Variants in RNFT2 observed in about 807,000 individuals in gnomAD.
RNFT2 encodes the protein ring finger protein, transmembrane 2, also known as E3 ubiquitin-protein ligase RNFT2.
In RNFT2, 36 loss-of-function variants were observed where a neutral mutation model predicts 53.0. That is an observed-to-expected ratio of 0.68 (90% CI 0.52 to 0.90). The LOEUF is 0.90. Ranked by LOEUF, RNFT2 falls within the 40% of genes least tolerant of loss-of-function variation. The pLI is 0.00. For missense variants in RNFT2, 514 were observed against 585.6 expected, an observed-to-expected ratio of 0.88 and a Z score of 1.26; for synonymous variants, 260 against 253.2, an observed-to-expected ratio of 1.03 and a Z score of -0.26.
chr12:116,772,551 C>T (rs1218579606), intron 6 of RNFT2, among the ~76,000 whole-genome samples: 1 of 152,066 alleles, frequency 6.6e-6, no homozygotes, highest in East Asian at 1.9e-4. Flanking sequence ...GTGATCCACC[C>T]GCCTCGGCCT....
chr12:116,782,750 T>C (rs1873769820), intron 7 of RNFT2, among the ~76,000 whole-genome samples: 1 of 151,896 alleles, frequency 6.6e-6, no homozygotes, highest in Non-Finnish European at 1.5e-5. Flanking sequence ...ACCCCCTTTC[T>C]CACATGCCGA....
At chr12:116,836,957 A>T (rs1046992663) in intron 10 of RNFT2, among the ~76,000 whole-genome samples, 3 of 152,116 alleles carry the variant, frequency 2.0e-5, no homozygotes, top group African/African-American at 7.2e-5. Context: ...CATAATAATA[A>T]CAGCTACTTC....
intron 7 of RNFT2, among the ~76,000 whole-genome samples, chr12:116,811,650 A>G (rs11068195): frequency 0.028 from 4,249 of 152,310 alleles, 144 homozygotes; most frequent in East Asian, 0.13. Context: ...TGCTGGGATT[A>G]CAGGCGTGAG....
At chr12:116,782,023 G>A (rs1242066597) in intron 7 of RNFT2, 7 of 128,910 alleles carry the variant, frequency 5.4e-5, no homozygotes, top group Non-Finnish European at 9.4e-5. Flanking sequence ...AGGTTGCAGT[G>A]AGCCAAGATC....
chr12:116,787,653 G>A (rs1442228635), intron 7 of RNFT2, among the ~76,000 whole-genome samples: 1 of 151,652 alleles, frequency 6.6e-6, no homozygotes, highest in African/African-American at 2.4e-5. Flanking sequence ...AGTTGAGGTT[G>A]CAGTGAGCCA....
rs751436800 is a variant in RNFT2, at chr12:116,779,230, A to G, written c.764A>G (p.Asp255Gly). ...CTGAAGCCCAACCTGGAGATGCTGG[A>G]CTTCTTTGACCTGCTATGGATTGTG... ...IFLKPNLEML[D>G]FFDLLWIVGI... The change falls in exon 7 of 11, where the codon GAC (aspartate) becomes GGC (glycine). Residue 255 changes from aspartate to glycine, a missense_variant. Physicochemically the swap from Asp to Gly is moderately conservative, Grantham distance 94. Coordinates refer to ENST00000257575, the MANE Select transcript of RNFT2 (RefSeq NM_001382266.1). 6.2e-7 allele frequency: 1 copy of G among 1,613,992 alleles called. No individual in the cohort carries two copies. Among genetic ancestry groups the G allele is most frequent in the South Asian group, 1.1e-5 (1 of 91,082 alleles).
At chr12:116,750,367 C>A in intron 4 of RNFT2, 60 bp downstream of exon 4, 1 of 1,496,252 alleles carries the variant, frequency 6.7e-7, no homozygotes, top group Non-Finnish European at 9.0e-7. Flanking sequence ...TGCCTGCAGC[C>A]GGTGGGGTGG....
intron 5 of RNFT2, among the ~76,000 whole-genome samples, chr12:116,757,733 G>A (rs1055348731): frequency 1.3e-5 from 2 of 152,102 alleles, no homozygotes; most frequent in African/African-American, 4.8e-5. Context: ...GGCTCGTTTT[G>A]TGGCCTATCA....
intron 3 of RNFT2, among the ~76,000 whole-genome samples, chr12:116,742,159 A>G (rs567835618): frequency 6.6e-6 from 1 of 152,244 alleles, no homozygotes; most frequent in South Asian, 2.1e-4. Context: ...CATAGGCCAC[A>G]GCCTTTATTG....
intron 10 of RNFT2, among the ~76,000 whole-genome samples, chr12:116,840,803 T>C (rs1421221828): frequency 1.3e-5 from 2 of 152,124 alleles, no homozygotes; most frequent in East Asian, 3.9e-4. Context: ...GGGCTGTATA[T>C]GGGTTTTGAA....
chr12:116,759,831 G>A (rs754208596), intron 5 of RNFT2, among the ~76,000 whole-genome samples: 3 of 152,172 alleles, frequency 2.0e-5, no homozygotes, highest in Non-Finnish European at 4.4e-5. Context: ...TTTTTGTGCT[G>A]GTTGGCCTCC....
At chr12:116,760,201 C>T (rs952827788) in intron 5 of RNFT2, among the ~76,000 whole-genome samples, 2 of 152,160 alleles carry the variant, frequency 1.3e-5, no homozygotes, top group Admixed American at 1.3e-4. Flanking sequence ...CCACCATGCC[C>T]ACCACAACAG....
At chr12:116,825,879 C>T (rs544510270) in intron 7 of RNFT2, among the ~76,000 whole-genome samples, 7 of 152,224 alleles carry the variant, frequency 4.6e-5, no homozygotes, top group South Asian at 2.1e-4. Context: ...CCAAATCCCA[C>T]GCCTTTAAAC....
At position 116,851,934 on chromosome 12, in the gene RNFT2, C is replaced by T. The variant is rs1334425351; in HGVS notation, c.*2486C>T. 6 of 1,532,574 alleles carry T rather than the reference C, an allele frequency of 3.9e-6. No homozygotes were observed. The highest frequency in any genetic ancestry group is 2.7e-5 in the African/African-American group (2 of 72,860). The allele number at this position is 1,532,574 out of a possible 1,614,324, so 94.9% of individuals were successfully genotyped here. A position where few individuals can be genotyped will look rare whatever the true frequency, so the allele number is the denominator to read the frequency against. On this transcript the variant is annotated 3_prime_UTR_variant, in exon 11 of 11. Transcript: ENST00000257575. ...AGCAGCTCCTGTGGACATTGCCATC[C>T]CCTCTGGTAGCCTTCAGAGCAAACA...
intron 7 of RNFT2, among the ~76,000 whole-genome samples, chr12:116,806,385 T>TAGATAG (rs752640392): frequency 3.7e-5 from 4 of 108,878 alleles, no homozygotes; most frequent in African/African-American, 1.5e-4. Context: ...AAAAAAAATA[T>TAGATAG]ATATATATAT....
At chr12:116,832,499 G>T (rs1028605246) in intron 7 of RNFT2, among the ~76,000 whole-genome samples, 17 of 152,132 alleles carry the variant, frequency 1.1e-4, no homozygotes, top group Admixed American at 8.5e-4. Flanking sequence ...CCAGTTTGGG[G>T]ATTTTATGAA....
intron 7 of RNFT2, among the ~76,000 whole-genome samples, chr12:116,779,662 G>A (rs909386750): frequency 6.6e-6 from 1 of 152,142 alleles, no homozygotes. Flanking sequence ...ATGTTAGCAT[G>A]CCCCGGGACC....
At chr12:116,794,588 A>T (rs1874397213) in intron 7 of RNFT2, among the ~76,000 whole-genome samples, 2 of 148,506 alleles carry the variant, frequency 1.3e-5, no homozygotes, top group African/African-American at 2.5e-5. Context: ...ACAGAGTGAG[A>T]CTTTGTCTCA....
intron 7 of RNFT2, among the ~76,000 whole-genome samples, chr12:116,819,029 C>A: frequency 6.6e-6 from 1 of 152,328 alleles, no homozygotes; most frequent in East Asian, 1.9e-4. Flanking sequence ...CGTGGGTAAT[C>A]TGGGGCAGAT....
Sources: allele counts gnomAD v4.1 joint callset (sites outside exome capture counted in the v4.1 genomes callset), GRCh38; gene constraint gnomAD v4.1.1; transcripts MANE v1.5; gene names NCBI Gene and HGNC (gene_info 2026-07-23, HGNC 2026-07-21).